Variants in CCDC92 observed in about 807,000 individuals in gnomAD.
CCDC92 encodes the protein coiled-coil domain containing 92, also known as coiled-coil domain-containing protein 92.
In CCDC92, 12 loss-of-function variants were observed where a neutral mutation model predicts 24.9. The observed-to-expected ratio is 0.48, with a 90% CI of 0.31 to 0.78. The LOEUF is 0.78. Among genes scored for constraint, CCDC92 ranks in the 30% least tolerant of loss-of-function variants. The pLI is 0.05. For missense variants in CCDC92, 399 were observed against 439.4 expected (o/e 0.91, Z 0.82); for synonymous variants, 193 against 196.3 (o/e 0.98, Z 0.14).
At chr12:123,959,474 T>G (rs1435498134) in intron 1 of CCDC92, among the ~76,000 whole-genome samples, 2 of 152,128 alleles carry the variant, frequency 1.3e-5, no homozygotes, top group Non-Finnish European at 2.9e-5. Context: ...CCGGCTCATT[T>G]TTGTATTTTT....
rs374562588 is a variant in CCDC92, at chr12:123,968,999, T to C, written c.-60+3530A>G. ...CTTGCTGCACTTCAATCCTTGTGTA[T>C]TGGGCACTCTGGTGTTCACAGGCAA... On this transcript the variant is annotated intron_variant, in intron 1 of 4. Transcript: ENST00000238156. Among the ~76,000 whole-genome samples the C allele has an allele frequency of 7.2e-5, 11 of 152,370 alleles. No individual in the cohort carries two copies. The South Asian group carries it at 2.1e-3, about 29-fold the overall frequency.
At chr12:123,956,854 ATTAT>A (rs1236754866) in intron 1 of CCDC92, among the ~76,000 whole-genome samples, 1 of 152,238 alleles carries the variant, frequency 6.6e-6, no homozygotes, top group African/African-American at 2.4e-5. Context: ...TATTTCATAG[ATTAT>A]TTATCAGCTG....
chr12:123,951,368 T>A (rs558484424), intron 1 of CCDC92, among the ~76,000 whole-genome samples: 1 of 152,094 alleles, frequency 6.6e-6, no homozygotes, highest in Admixed American at 6.5e-5. Context: ...TAGGAAAGGG[T>A]CTCACCATTT....
chr12:123,957,967 G>A (rs1956190052), intron 1 of CCDC92, among the ~76,000 whole-genome samples: 1 of 151,892 alleles, frequency 6.6e-6, no homozygotes, highest in African/African-American at 2.4e-5. Flanking sequence ...TGAAAGTGCT[G>A]GGATTACAGA....
At chr12:123,949,401 G>A (rs1413666934) in intron 1 of CCDC92, among the ~76,000 whole-genome samples, 1 of 152,240 alleles carries the variant, frequency 6.6e-6, no homozygotes, top group African/African-American at 2.4e-5. Context: ...GCAAGGCCAG[G>A]ACATTGGTCT....
At position 123,972,776 on chromosome 12, in the gene CCDC92, G is replaced by A. The variant is rs1160120176; in HGVS notation, c.-307C>T. 4 of 146,964 alleles carry A rather than the reference G, an allele frequency of 2.7e-5. No individual in the cohort carries two copies. The highest frequency in any genetic ancestry group is 7.4e-5 in the African/African-American group (3 of 40,764). 9.1% of individuals were successfully genotyped at this position (146,964 alleles called of 1,614,324 possible). A position where few individuals can be genotyped will look rare whatever the true frequency, so the allele number is the denominator to read the frequency against. On this transcript the variant is annotated 5_prime_UTR_variant, in exon 1 of 5. Transcript: ENST00000238156. The stretch of plus-strand genomic sequence containing the variant: ...CCCTGGGAGCGGGGCCGGCGGCGAG[G>A]CCTGGCCGCGCTGACCCGGCGGGCT...
At chr12:123,940,619 C>G (rs562483291) in intron 4 of CCDC92, among the ~76,000 whole-genome samples, 1 of 152,206 alleles carries the variant, frequency 6.6e-6, no homozygotes, top group Non-Finnish European at 1.5e-5. Context: ...CTCCTCTGTA[C>G]GTACCCCCTT....
At chr12:123,965,614 G>C (rs1243278153) in intron 1 of CCDC92, among the ~76,000 whole-genome samples, 1 of 152,050 alleles carries the variant, frequency 6.6e-6, no homozygotes. Context: ...ATCTTTCTCA[G>C]ACTGAACAGT....
In CCDC92 at chr12:123,954,086, TAA is replaced by T. The variant is rs564610105; in HGVS notation, c.-59-9724_-59-9723del. ...ATGATGAACATATAGTCAGAAAAAATAAAGTTTTCTCTTAAAAAAGATAATCA... is the reference window on the plus strand; with the variant it reads ...ATGATGAACATATAGTCAGAAAAAATAGTTTTCTCTTAAAAAAGATAATCA... On this transcript the variant is annotated intron_variant, in intron 1 of 4. Transcript: ENST00000238156. 3.0e-3 allele frequency among the ~76,000 whole-genome samples: 464 copies of T among 152,262 alleles called. 3 individuals are homozygous for T. The highest frequency in any genetic ancestry group is 5.4e-3 in the Non-Finnish European group (367 of 68,000).
At chr12:123,962,395 A>G (rs1173109568) in intron 1 of CCDC92, among the ~76,000 whole-genome samples, 2 of 152,220 alleles carry the variant, frequency 1.3e-5, no homozygotes, top group African/African-American at 4.8e-5. Flanking sequence ...GAACTTCTAA[A>G]TGTTTGCTTT....
At chr12:123,964,855 A>C (rs1192125776) in intron 1 of CCDC92, among the ~76,000 whole-genome samples, 1 of 152,252 alleles carries the variant, frequency 6.6e-6, no homozygotes, top group Admixed American at 6.5e-5. Flanking sequence ...CATTTCTGCC[A>C]ATTTTAAATA....
intron 1 of CCDC92, chr12:123,945,127 ATAACT>A (rs1955806763): frequency 1.3e-5 from 2 of 152,236 alleles, no homozygotes; most frequent in South Asian, 4.1e-4. Context: ...AGTGGGTTAA[ATAACT>A]TAAGGCGACC....
At chr12:123,941,687 G>A (rs761340024) in intron 4 of CCDC92, among the ~76,000 whole-genome samples, 3 of 152,194 alleles carry the variant, frequency 2.0e-5, no homozygotes, top group East Asian at 1.9e-4. Flanking sequence ...GCACGCCTGC[G>A]CAGGGCTGAG....
chr12:123,937,232 G>A lies in CCDC92; in HGVS notation c.822C>T (p.Gly274=), dbSNP rs751090398. The change falls in exon 5 of 5, where the codon GGC becomes GGT. Residue 274 remains glycine, a synonymous_variant. Transcript: ENST00000238156. The surrounding 1 kb of genome is among the most constrained non-coding windows in gnomAD (Gnocchi z 8.4). The part of the protein sequence containing the change: ...VIPPIASDRS[G]EQHSPAREKP... ...TTTCGCGGGCCGGGCTGTGCTGCTC[G>A]CCGCTTCGGTCGGAGGCGATGGGGG... 14 of 1,610,032 alleles carry A rather than the reference G, an allele frequency of 8.7e-6. No homozygotes were observed. The highest frequency in any genetic ancestry group is 6.7e-5 in the Admixed American group (4 of 59,972).
intron 1 of CCDC92, among the ~76,000 whole-genome samples, chr12:123,964,321 T>G (rs1956341657): frequency 6.6e-6 from 1 of 152,054 alleles, no homozygotes; most frequent in Non-Finnish European, 1.5e-5. Context: ...ACTACATAAA[T>G]TATTCAAGTT....
chr12:123,954,992 C>G (rs994688801), intron 1 of CCDC92, among the ~76,000 whole-genome samples: 1 of 152,314 alleles, frequency 6.6e-6, no homozygotes, highest in Admixed American at 6.5e-5. Flanking sequence ...AGGAGGTGAC[C>G]GATGGGGCCA....
At chr12:123,961,614 G>C (rs1566175239) in intron 1 of CCDC92, among the ~76,000 whole-genome samples, 1 of 152,200 alleles carries the variant, frequency 6.6e-6, no homozygotes. Flanking sequence ...TTACTCAATA[G>C]AGGCAAAATC....
At chr12:123,947,440 G>A (rs912304231) in intron 1 of CCDC92, among the ~76,000 whole-genome samples, 62 of 152,348 alleles carry the variant, frequency 4.1e-4, no homozygotes, top group Middle Eastern at 3.4e-3. Context: ...TGGTGGGGAC[G>A]TGGGGAACCT....
In CCDC92 at chr12:123,943,396, C is replaced by G. The variant is rs750311683; in HGVS notation, c.132G>C (p.Thr44=). 8.1e-6 allele frequency: 13 copies of G among 1,613,954 alleles called. No homozygotes were observed. The highest frequency in any genetic ancestry group is 1.1e-5 in the South Asian group (1 of 91,092). Residue 44 remains threonine (T), a synonymous_variant, in exon 3 of 5, where the codon ACG becomes ACC. Transcript: ENST00000238156. ...TGATCTCGGAGTGCAGCCCCTTGAG[C>G]GTGCTGGCATGCTCCCGCTGAAGGA... ...LLFLQREHAS[T]LKGLHSEIRR... is the part of the protein sequence containing the mutation.
Sources: gnomAD v4.1 joint callset for allele counts (sites outside exome capture counted in the v4.1 genomes callset) on GRCh38, gnomAD v4.1.1 for gene constraint, Gnocchi (gnomAD v3.1) non-coding constraint, MANE v1.5 for transcripts, NCBI Gene and HGNC (gene_info 2026-07-23, HGNC 2026-07-21) for gene names.